LARP4: variants seen among roughly 807,000 people sequenced by gnomAD.
LARP4 encodes the protein La ribonucleoprotein 4, also known as la-related protein 4.
A neutral mutation model predicts 92.9 loss-of-function variants in LARP4; 29 were observed. The ratio of observed to expected loss-of-function variants is 0.31; its 90% CI spans 0.23 to 0.43. The LOEUF (loss-of-function observed/expected upper bound fraction) is 0.43, where lower values mean the gene tolerates loss of function less well. Ranked by LOEUF, LARP4 falls within the 20% of genes least tolerant of loss-of-function variation. LARP4 has a pLI of 1.00. For synonymous variants in LARP4, 279 were observed against 284.1 expected, an observed-to-expected ratio of 0.98 and a Z score of 0.18; for missense variants, 732 against 860.0, an observed-to-expected ratio of 0.85 and a Z score of 1.86.
At chr12:50,461,739 C>G (rs144337816) in intron 11 of LARP4, among the ~76,000 whole-genome samples, 5 of 152,184 alleles carry the variant, frequency 3.3e-5, no homozygotes, top group African/African-American at 9.6e-5. Flanking sequence ...GGAGGATCAT[C>G]TCAGGTCAGG....
Position 50,442,481 on chromosome 12 carries a change from T to TC in LARP4, c.804+845dup. 2.0e-5 allele frequency among the ~76,000 whole-genome samples: 3 copies of TC among 152,216 alleles called. No individual in the cohort carries two copies. In the Middle Eastern group the frequency reaches 0.01, roughly 518 times the overall value. ...TCTTAACTGCTGTGTTACCAGTTTT[T>TC]CCCCCCCTTAACAATCTGTTCTTCA... On this transcript the variant is annotated intron_variant, in intron 8 of 15. Coordinates refer to ENST00000398473, the MANE Select transcript of LARP4 (RefSeq NM_052879.5).
chr12:50,403,494 A>G (rs796338617), intron 1 of LARP4, among the ~76,000 whole-genome samples: 5 of 152,364 alleles, frequency 3.3e-5, no homozygotes, highest in African/African-American at 1.2e-4. Flanking sequence ...ACATTTTAAA[A>G]TATTTTGATA....
chr12:50,400,980 G>T lies in LARP4; in HGVS notation c.-31G>T. 6.2e-7 allele frequency: 1 copy of T among 1,614,124 alleles called. No individual in the cohort carries two copies. Among genetic ancestry groups the T allele is most frequent in the Non-Finnish European group, 8.5e-7 (1 of 1,180,010 alleles). On this transcript the variant is annotated 5_prime_UTR_variant, in exon 1 of 16. Transcript: ENST00000398473. ...CTGTGAGCCAGTTGGAGTTGCGGCG[G>T]CGGGAACGATTGGGCTGAGCAGAGG...
chr12:50,447,963 G>C (rs1210633923), intron 8 of LARP4, among the ~76,000 whole-genome samples: 1 of 152,072 alleles, frequency 6.6e-6, no homozygotes. Context: ...TGCCTCCCAG[G>C]TTCAAGGAGT....
At chr12:50,467,673 G>T (rs1956327404) in intron 13 of LARP4, among the ~76,000 whole-genome samples, 1 of 152,074 alleles carries the variant, frequency 6.6e-6, no homozygotes, top group Non-Finnish European at 1.5e-5. Flanking sequence ...TAAATGGAAG[G>T]TATCATTTCC....
intron 1 of LARP4, among the ~76,000 whole-genome samples, chr12:50,408,919 G>T (rs531198314): frequency 6.6e-6 from 1 of 152,026 alleles, no homozygotes; most frequent in Non-Finnish European, 1.5e-5. Context: ...GAGGTGGGAG[G>T]ATTACTTGAG....
chr12:50,422,502 A>G (rs1224563899), intron 1 of LARP4, among the ~76,000 whole-genome samples: 2 of 152,078 alleles, frequency 1.3e-5, no homozygotes, highest in Non-Finnish European at 2.9e-5. Flanking sequence ...AAAATATTTG[A>G]TGTAGGATAG....
At position 50,454,465 on chromosome 12, in the gene LARP4, G is replaced by T. The variant is rs1044523762; in HGVS notation, c.1121+48G>T. On this transcript the variant is annotated intron_variant, in intron 10 of 15. Transcript: ENST00000398473. ...AATGTATTTTAAACAATTCCTAATG[G>T]ATCTTAAGGCATTAATAGCAATGTT... The T allele has an allele frequency of 6.0e-6, 8 of 1,335,266 alleles. No individual in the cohort carries two copies. The Middle Eastern group carries it at 9.8e-4, about 164-fold the overall frequency. The allele number at this position is 1,335,266 out of a possible 1,614,324, so 82.7% of individuals were successfully genotyped here. A position where few individuals can be genotyped will look rare whatever the true frequency, so the allele number is the denominator to read the frequency against.
At chr12:50,474,907 T>G (rs926179360) in intron 15 of LARP4, among the ~76,000 whole-genome samples, 4 of 152,242 alleles carry the variant, frequency 2.6e-5, no homozygotes, top group African/African-American at 4.8e-5. Context: ...ACACAAAATT[T>G]ACCTATAATC....
At chr12:50,437,679 A>G in intron 5 of LARP4, 56 bp from the exon 6 acceptor site, 1 of 974,486 alleles carries the variant, frequency 1.0e-6, no homozygotes, top group Non-Finnish European at 1.6e-6. Flanking sequence ...CTTTAATGGC[A>G]TTAATAATAT....
intron 5 of LARP4, among the ~76,000 whole-genome samples, chr12:50,437,377 A>C (rs1399300222): frequency 6.6e-6 from 1 of 152,190 alleles, no homozygotes; most frequent in Non-Finnish European, 1.5e-5. Flanking sequence ...ATGAAAGTAC[A>C]CTAATTTCTG....
rs1294886550 is a variant in LARP4 at position 50,426,722 on chromosome 12, TGTGTGTGTG to T, written c.19-1037_19-1029del. On this transcript the variant is annotated intron_variant, in intron 1 of 15. Transcript: ENST00000398473. ...GTGTGTGTGTGTGTGTGTGTGTGTG[TGTGTGTGTG>T]GTTTTTTTTTTTTTTTTTTTCTTTT... Among the ~76,000 whole-genome samples the T allele has an allele frequency of 2.8e-4, 35 of 124,520 alleles. 1 individual carries two copies. Among genetic ancestry groups the T allele is most frequent in the African/African-American group, 1.1e-3 (30 of 26,236 alleles). 81.7% of individuals were successfully genotyped at this position (124,520 alleles called of 152,430 possible).
intron 8 of LARP4, among the ~76,000 whole-genome samples, chr12:50,442,081 A>G (rs191705983): frequency 6.6e-6 from 1 of 152,270 alleles, no homozygotes; most frequent in East Asian, 1.9e-4. Context: ...TCTGGCTTGT[A>G]TTATGTGCTA....
At chr12:50,432,943 A>T (rs1421330297) in intron 4 of LARP4, among the ~76,000 whole-genome samples, 3 of 151,494 alleles carry the variant, frequency 2.0e-5, no homozygotes, top group Non-Finnish European at 4.4e-5. Context: ...ACTGGGACTT[A>T]ATCACGAGAC....
At chr12:50,446,685 C>G (rs539060688) in intron 8 of LARP4, among the ~76,000 whole-genome samples, 8 of 151,544 alleles carry the variant, frequency 5.3e-5, no homozygotes, top group Admixed American at 2.6e-4. Flanking sequence ...CCTCAGCCCC[C>G]CAAAGTACTG....
At chr12:50,436,168 G>A (rs1337721272) in intron 5 of LARP4, among the ~76,000 whole-genome samples, 1 of 70,804 alleles carries the variant, frequency 1.4e-5, no homozygotes, top group Non-Finnish European at 3.7e-5. Context: ...GTGTGTGTGT[G>A]TGTATGTATA....
At chr12:50,458,175 A>G (rs534361941) in intron 10 of LARP4, among the ~76,000 whole-genome samples, 7 of 151,950 alleles carry the variant, frequency 4.6e-5, no homozygotes, top group African/African-American at 1.4e-4. Context: ...CTGGGCTCCA[A>G]TGATCCTCCC....
At chr12:50,430,003 A>G (rs1320972210) in intron 3 of LARP4, among the ~76,000 whole-genome samples, 5 of 152,192 alleles carry the variant, frequency 3.3e-5, no homozygotes, top group African/African-American at 7.2e-5. Context: ...AACTAATATG[A>G]AATGTATCTG....
chr12:50,453,405 T>C, intron 8 of LARP4, 55 bp from the exon 9 acceptor site: 1 of 1,023,342 alleles, frequency 9.8e-7, no homozygotes. Context: ...AAATTAAATG[T>C]ATTTTTTAAA....
Sources: allele counts gnomAD v4.1 joint callset (sites outside exome capture counted in the v4.1 genomes callset), GRCh38; gene constraint gnomAD v4.1.1; transcripts MANE v1.5; gene names NCBI Gene and HGNC (gene_info 2026-07-23, HGNC 2026-07-21).